Variants in CRADD observed in about 807,000 individuals in gnomAD.
The protein encoded by CRADD is CARD and death domain containing adaptor protein.
In CRADD, 9 loss-of-function variants were observed where a neutral mutation model predicts 15.5. That is an observed-to-expected ratio of 0.58 (90% CI 0.35 to 1.01). CRADD has a LOEUF of 1.01. Among genes scored for constraint, CRADD ranks in the 50% least tolerant of loss-of-function variants. The probability of loss-of-function intolerance (pLI) is 0.02; values close to 1 mark genes in which losing one functional copy is unlikely to be tolerated. For missense variants in CRADD, 227 were observed against 250.3 expected, an observed-to-expected ratio of 0.91 and a Z score of 0.63; for synonymous variants, 118 against 107.6, an observed-to-expected ratio of 1.10 and a Z score of -0.60.
chr12:93,881,444 G>A (rs61373623), intron 2 of CRADD, among the ~76,000 whole-genome samples: 3 of 142,516 alleles, frequency 2.1e-5, no homozygotes, highest in East Asian at 2.3e-4. Context: ...AAGTGTGGGG[G>A]GGGGGTGGGG....
chr12:93,829,125 C>CTT (rs11362017), intron 2 of CRADD, among the ~76,000 whole-genome samples: 6 of 142,780 alleles, frequency 4.2e-5, no homozygotes, highest in Admixed American at 7.0e-5. Flanking sequence ...ATGATTTCAC[C>CTT]TTTTTTTTTT....
chr12:93,766,574 C>A (rs1446599802), intron 2 of CRADD, among the ~76,000 whole-genome samples: 1 of 152,190 alleles, frequency 6.6e-6, no homozygotes, highest in African/African-American at 2.4e-5. Context: ...CCTGCAGTCC[C>A]TTTACTGAAT....
At chr12:93,788,300 T>C (rs1274042821) in intron 2 of CRADD, among the ~76,000 whole-genome samples, 3 of 152,162 alleles carry the variant, frequency 2.0e-5, no homozygotes, top group Non-Finnish European at 2.9e-5. Context: ...CCATCAGATC[T>C]CGTGAGAACT....
chr12:93,772,230 T>G (rs1318734270), intron 2 of CRADD, among the ~76,000 whole-genome samples: 1 of 152,226 alleles, frequency 6.6e-6, no homozygotes, highest in East Asian at 1.9e-4. Context: ...GTCTCCCATA[T>G]TGACAGTCTT....
intron 2 of CRADD, among the ~76,000 whole-genome samples, chr12:93,797,734 T>G (rs984192354): frequency 2.6e-5 from 4 of 152,214 alleles, no homozygotes; most frequent in African/African-American, 9.7e-5. Flanking sequence ...ATTACAATTT[T>G]TTTATTGCAC....
chr12:93,697,712 G>C (rs1431654676), intron 2 of CRADD, among the ~76,000 whole-genome samples: 2 of 152,042 alleles, frequency 1.3e-5, no homozygotes, highest in Admixed American at 6.5e-5. Context: ...ATTCATTCTA[G>C]GTTCATGACT....
At chr12:93,800,359 T>A (rs1459077497) in intron 2 of CRADD, among the ~76,000 whole-genome samples, 1 of 152,190 alleles carries the variant, frequency 6.6e-6, no homozygotes, top group Admixed American at 6.5e-5. Flanking sequence ...TTGTTCTATT[T>A]GGGCCCTCTA....
At chr12:93,803,790 G>A (rs987841552) in intron 2 of CRADD, among the ~76,000 whole-genome samples, 3 of 152,030 alleles carry the variant, frequency 2.0e-5, no homozygotes, top group East Asian at 1.9e-4. Context: ...GGACTTTGCA[G>A]GTGTGATTAA....
intron 2 of CRADD, among the ~76,000 whole-genome samples, chr12:93,752,590 C>T (rs1956840135): frequency 6.6e-6 from 1 of 152,116 alleles, no homozygotes; most frequent in South Asian, 2.1e-4. Flanking sequence ...ATACTCCAAA[C>T]AGTTAGAACA....
At chr12:93,867,506 G>A (rs539175873) in intron 2 of CRADD, among the ~76,000 whole-genome samples, 1 of 150,834 alleles carries the variant, frequency 6.6e-6, no homozygotes, top group South Asian at 2.1e-4. Flanking sequence ...AAGTAAGGAA[G>A]TTAAGGAAGC....
At chr12:93,743,373 C>G (rs1956706435) in intron 2 of CRADD, among the ~76,000 whole-genome samples, 1 of 152,118 alleles carries the variant, frequency 6.6e-6, no homozygotes, top group Non-Finnish European at 1.5e-5. Context: ...GCTCTGTCAT[C>G]CAGGCCGGAG....
chr12:93,806,247 T>C (rs1031031632), intron 2 of CRADD, among the ~76,000 whole-genome samples: 7 of 150,414 alleles, frequency 4.7e-5, no homozygotes, highest in African/African-American at 1.5e-4. Flanking sequence ...AGATCAGGAG[T>C]TCGAGACCAG....
At chr12:93,835,122 C>G (rs931885357) in intron 2 of CRADD, among the ~76,000 whole-genome samples, 1 of 152,120 alleles carries the variant, frequency 6.6e-6, no homozygotes, top group Non-Finnish European at 1.5e-5. Flanking sequence ...ACTAGATTGT[C>G]AAGACTTTTC....
At chr12:93,876,843 T>C (rs1417500251) in intron 2 of CRADD, among the ~76,000 whole-genome samples, 1 of 152,146 alleles carries the variant, frequency 6.6e-6, no homozygotes, top group Non-Finnish European at 1.5e-5. Context: ...TTTATTTCAT[T>C]TGGTGAGGTC....
At chr12:93,873,877 T>C (rs1253061081) in intron 2 of CRADD, among the ~76,000 whole-genome samples, 4 of 151,886 alleles carry the variant, frequency 2.6e-5, no homozygotes, top group Non-Finnish European at 5.9e-5. Flanking sequence ...GTTTTTTGTT[T>C]TTCGTTGTGT....
At chr12:93,741,678 A>C (rs1956669207) in intron 2 of CRADD, among the ~76,000 whole-genome samples, 1 of 152,194 alleles carries the variant, frequency 6.6e-6, no homozygotes, top group South Asian at 2.1e-4. Flanking sequence ...ATTAATTTGT[A>C]GATAGGGGTC....
intron 2 of CRADD, among the ~76,000 whole-genome samples, chr12:93,751,020 G>A (rs1341945268): frequency 1.3e-5 from 2 of 152,076 alleles, no homozygotes; most frequent in Non-Finnish European, 2.9e-5. Context: ...GAACTGACCT[G>A]GTAACTTGCC....
intron 2 of CRADD, among the ~76,000 whole-genome samples, chr12:93,876,626 A>T (rs1368060161): frequency 6.6e-6 from 1 of 152,108 alleles, no homozygotes; most frequent in African/African-American, 2.4e-5. Context: ...ATTCTTTAGT[A>T]TACCAATTGC....
chr12:93,856,427 CT>C (rs1958275624), intron 2 of CRADD, among the ~76,000 whole-genome samples: 1 of 152,202 alleles, frequency 6.6e-6, no homozygotes, highest in Non-Finnish European at 1.5e-5. Flanking sequence ...GGATCTCAGC[CT>C]GCTGGGGAGA....
Sources: gnomAD v4.1 joint callset for allele counts (sites outside exome capture counted in the v4.1 genomes callset) on GRCh38, gnomAD v4.1.1 for gene constraint, MANE v1.5 for transcripts, NCBI Gene and HGNC (gene_info 2026-07-23, HGNC 2026-07-21) for gene names.